Variants in FYB1 observed in about 807,000 individuals in gnomAD.
FYB1 encodes FYN-binding protein 1.
Under a neutral mutation model 94.1 loss-of-function variants are expected in FYB1, and 41 were observed. The ratio of observed to expected loss-of-function variants is 0.44; its 90% confidence interval spans 0.34 to 0.57. The LOEUF (loss-of-function observed/expected upper bound fraction) is 0.57. Among genes scored for constraint, FYB1 ranks in the 20% least tolerant of loss-of-function variants. The pLI, the probability that FYB1 is intolerant of heterozygous loss-of-function variation, is 0.02. For synonymous variants in FYB1, 367 were observed against 353.2 expected (o/e 1.04, Z -0.44); for missense variants, 1,050 against 976.8 (o/e 1.07, Z -1.00).
chr5:39,190,451 G>T (rs1190636673), intron 2 of FYB1, among the ~76,000 whole-genome samples: 1 of 152,080 alleles, frequency 6.6e-6, no homozygotes, highest in Non-Finnish European at 1.5e-5. Flanking sequence ...TTAGTGGGGA[G>T]AGCAGGGCCC....
At chr5:39,154,008 A>G (rs927348501) in intron 2 of FYB1, among the ~76,000 whole-genome samples, 1 of 151,188 alleles carries the variant, frequency 6.6e-6, no homozygotes, top group Non-Finnish European at 1.5e-5. Flanking sequence ...CTGGTTTTGA[A>G]CTCCTGGGCG....
intron 1 of FYB1, among the ~76,000 whole-genome samples, chr5:39,269,200 C>A (rs1285416728): frequency 2.6e-5 from 4 of 152,326 alleles, no homozygotes. Flanking sequence ...CAGGCACCCA[C>A]CACGATGCCC....
At chr5:39,240,738 C>T (rs1751168132) in intron 1 of FYB1, among the ~76,000 whole-genome samples, 1 of 152,180 alleles carries the variant, frequency 6.6e-6, no homozygotes, top group African/African-American at 2.4e-5. Flanking sequence ...TAAATTAGTT[C>T]AGCCAATGTG....
chr5:39,122,435 A>T, intron 13 of FYB1, 33 bp from the exon 14 acceptor site: 1 of 1,311,482 alleles, frequency 7.6e-7, no homozygotes, highest in Non-Finnish European at 1.1e-6. Context: ...AGGTTGAAAC[A>T]CTGTTAGTTT....
chr5:39,128,446 T>C (rs920378201), intron 10 of FYB1, among the ~76,000 whole-genome samples: 5 of 152,268 alleles, frequency 3.3e-5, no homozygotes, highest in Admixed American at 1.3e-4. Flanking sequence ...ACTTTAGCAC[T>C]GCAAGTGTTA....
At chr5:39,137,534 T>C (rs1741774367) in intron 7 of FYB1, 66 bp downstream of exon 7, 2 of 1,491,172 alleles carry the variant, frequency 1.3e-6, no homozygotes, top group Non-Finnish European at 1.8e-6. Context: ...TCAAGAATGG[T>C]ACCCCTTTTG....
rs748593739 is a variant in FYB1 at position 39,130,635 on chromosome 5, T to A, written c.1818-23A>T. ...TGGCTAGAAAAGAAACCCAGAAATATTAAGTTAATCTATGAATTACTTAGC... is the reference window on the plus strand; with the variant it reads ...TGGCTAGAAAAGAAACCCAGAAATAATAAGTTAATCTATGAATTACTTAGC... On this transcript the variant is annotated intron_variant, in intron 9 of 18. Transcript: ENST00000512982. 1.9e-6 allele frequency: 3 copies of A among 1,553,538 alleles called. No homozygotes were observed. In the Admixed American group the frequency reaches 5.6e-5, roughly 29 times the overall value.
chr5:39,105,529 T>C lies in FYB1; in HGVS notation c.*1914A>G, dbSNP rs1480189385. On this transcript the variant is annotated 3_prime_UTR_variant, in exon 19 of 19. Transcript: ENST00000512982. The stretch of plus-strand genomic sequence containing the variant: ...AATTCTCAATCAGAAAAAAAATTAC[T>C]GTCAGACTGCAATGCAAGTCTGCCC... 1 of 152,150 alleles carries C rather than the reference T, an allele frequency of 6.6e-6. No homozygotes were observed. Among genetic ancestry groups the C allele is most frequent in the Non-Finnish European group, 1.5e-5 (1 of 68,030 alleles). The allele number at this position is 152,150 out of a possible 1,614,324, so 9.4% of individuals were successfully genotyped here.
chr5:39,134,819 A>G, intron 8 of FYB1, 36 bp downstream of exon 8: 3 of 1,610,726 alleles, frequency 1.9e-6, no homozygotes, highest in Non-Finnish European at 2.5e-6. Context: ...CCTCGCAAAG[A>G]AAATACTTCG....
chr5:39,244,416 G>C (rs1268952189), intron 1 of FYB1, among the ~76,000 whole-genome samples: 1 of 151,908 alleles, frequency 6.6e-6, no homozygotes. Flanking sequence ...TTTTGTCTTT[G>C]GTTCTGTTTG....
intron 6 of FYB1, 69 bp from the exon 7 acceptor site, chr5:39,137,789 A>T: frequency 6.5e-7 from 1 of 1,538,422 alleles, no homozygotes; most frequent in Non-Finnish European, 8.8e-7. Context: ...CCCTACCTAG[A>T]AGTTTCTACT....
chr5:39,244,662 C>G (rs1751387148), intron 1 of FYB1, among the ~76,000 whole-genome samples: 3 of 152,102 alleles, frequency 2.0e-5, no homozygotes, highest in African/African-American at 7.2e-5. Flanking sequence ...CATAAAATGA[C>G]TTAGGGAGGA....
intron 14 of FYB1, among the ~76,000 whole-genome samples, chr5:39,121,748 T>C (rs1170947127): frequency 6.6e-6 from 1 of 152,150 alleles, no homozygotes; most frequent in African/African-American, 2.4e-5. Context: ...ACTGATTTTA[T>C]ACAATTTTAG....
chr5:39,141,707 G>T (rs936754647), intron 3 of FYB1, among the ~76,000 whole-genome samples: 1 of 151,668 alleles, frequency 6.6e-6, no homozygotes, highest in Non-Finnish European at 1.5e-5. Context: ...CTTTTGCACC[G>T]ACCTAATACA....
rs1751541803 is a variant in FYB1 at position 39,247,682 on chromosome 5, G to A, written c.-28+26721C>T. Among the ~76,000 whole-genome samples, 4 of 151,810 alleles carry A rather than the reference G, an allele frequency of 2.6e-5. No individual in the cohort carries two copies. In the South Asian group the frequency reaches 6.2e-4, roughly 24 times the overall value. Reference sequence around the variant, plus strand: ...AGCCATTTTTCTTTATATGTCAATTGTGACATTTCACCATTTTTGAATATA... The same window carrying A: ...AGCCATTTTTCTTTATATGTCAATTATGACATTTCACCATTTTTGAATATA... On this transcript the variant is annotated intron_variant, in intron 1 of 1. Transcript: ENST00000510188.
intron 1 of FYB1, among the ~76,000 whole-genome samples, chr5:39,224,776 T>A (rs1386796936): frequency 1.3e-5 from 2 of 152,180 alleles, no homozygotes; most frequent in Non-Finnish European, 2.9e-5. Flanking sequence ...CTATTTAATG[T>A]GTAAAAAGTG....
intron 2 of FYB1, among the ~76,000 whole-genome samples, chr5:39,184,618 A>G (rs1056182460): frequency 6.6e-6 from 1 of 152,186 alleles, no homozygotes; most frequent in Non-Finnish European, 1.5e-5. Flanking sequence ...AGAATATGCT[A>G]TTGAATATGT....
chr5:39,160,875 A>T (rs1184002029), intron 2 of FYB1, among the ~76,000 whole-genome samples: 1 of 152,212 alleles, frequency 6.6e-6, no homozygotes, highest in Admixed American at 6.5e-5. Context: ...AGAGATTGGG[A>T]TCATCATACT....
rs751192221 is a variant in FYB1, at chr5:39,202,614, T to C, written c.347A>G (p.Lys116Arg). 2 of 1,613,894 alleles carry C rather than the reference T, an allele frequency of 1.2e-6. No individual in the cohort carries two copies. Among genetic ancestry groups the C allele is most frequent in the East Asian group, 2.2e-5 (1 of 44,876 alleles). ...ATCTTCTTTGGGCAAGTTGATGGGC[T>C]TGGGGCCTACAGGTTTCAGAAATCC... ...KVGFLKPVGPKPINLPKEDSK... is the reference protein window; with the variant it reads ...KVGFLKPVGPRPINLPKEDSK... Residue 116 changes from lysine (K) to arginine (R), a missense_variant, in exon 2 of 19, where the codon AAG (lysine) becomes AGG (arginine). Lys to Arg is a conservative substitution (Grantham distance 26). Coordinates refer to ENST00000512982, the MANE Select transcript of FYB1 (RefSeq NM_001465.6).
Sources: allele counts gnomAD v4.1 joint callset (sites outside exome capture counted in the v4.1 genomes callset), GRCh38; gene constraint gnomAD v4.1.1; transcripts MANE v1.5; gene names NCBI Gene and HGNC (gene_info 2026-07-23, HGNC 2026-07-21).